Variants in CPQ observed in about 807,000 individuals in gnomAD.
CPQ encodes Ser-Met dipeptidase.
Under a neutral mutation model 45.7 loss-of-function variants are expected in CPQ, and 37 were observed. That is an observed-to-expected ratio of 0.81 (90% CI 0.62 to 1.07). The LOEUF (loss-of-function observed/expected upper bound fraction) is 1.07. Ranked by LOEUF, CPQ falls within the 50% of genes least tolerant of loss-of-function variation. CPQ has a pLI of 0.00. For missense variants in CPQ, 537 were observed against 572.9 expected, an observed-to-expected ratio of 0.94 and a Z score of 0.64; for synonymous variants, 186 against 205.8, an observed-to-expected ratio of 0.90 and a Z score of 0.82.
At chr8:96,869,616 A>G (rs1194286051) in intron 3 of CPQ, among the ~76,000 whole-genome samples, 1 of 152,070 alleles carries the variant, frequency 6.6e-6, no homozygotes, top group Non-Finnish European at 1.5e-5. Flanking sequence ...ATTGGCAAGG[A>G]CCTATCTTTG....
At chr8:96,810,783 G>GTCAGTCCT (rs1323370387) in intron 2 of CPQ, among the ~76,000 whole-genome samples, 1 of 152,148 alleles carries the variant, frequency 6.6e-6, no homozygotes, top group Non-Finnish European at 1.5e-5. Flanking sequence ...CTATAGTCTT[G>GTCAGTCCT]TCAGTCCTTT....
intron 2 of CPQ, among the ~76,000 whole-genome samples, chr8:96,792,550 T>C (rs1810862146): frequency 6.6e-6 from 1 of 152,200 alleles, no homozygotes; most frequent in Admixed American, 6.5e-5. Flanking sequence ...TGTTTTATTA[T>C]GTTTGTATGC....
chr8:96,843,830 A>G (rs781422194), intron 3 of CPQ, among the ~76,000 whole-genome samples: 28 of 152,228 alleles, frequency 1.8e-4, no homozygotes, highest in Non-Finnish European at 3.2e-4. Flanking sequence ...ATCTGAGAGG[A>G]GACTATATAG....
rs1033035978 is a variant in CPQ at position 96,729,871 on chromosome 8, G to C, written c.-34-54993G>C. Among the ~76,000 whole-genome samples the C allele has an allele frequency of 4.6e-5, 7 of 151,342 alleles. 1 individual carries two copies. Among genetic ancestry groups the C allele is most frequent in the African/African-American group, 1.7e-4 (7 of 41,194 alleles). ...TGTGTGTGTTTGTGTGTGTGTGTAT[G>C]GGCATGTGACATGGAGCTGTGGAAG... On this transcript the variant is annotated intron_variant, in intron 1 of 7. Coordinates refer to ENST00000220763, the MANE Select transcript of CPQ (RefSeq NM_016134.4).
intron 5 of CPQ, among the ~76,000 whole-genome samples, chr8:97,000,575 C>G (rs1809261379): frequency 6.6e-6 from 1 of 152,038 alleles, no homozygotes; most frequent in African/African-American, 2.4e-5. Context: ...TTTCTGGGCT[C>G]TCTATTCTGT....
intron 4 of CPQ, among the ~76,000 whole-genome samples, chr8:96,955,804 G>T (rs1183998471): frequency 1.3e-5 from 2 of 152,156 alleles, no homozygotes; most frequent in African/African-American, 2.4e-5. Flanking sequence ...ATGGTGCTGG[G>T]AAAACTGGCT....
At chr8:96,784,405 G>GC (rs988822109) in intron 1 of CPQ, among the ~76,000 whole-genome samples, 1 of 151,630 alleles carries the variant, frequency 6.6e-6, no homozygotes, top group African/African-American at 2.4e-5. Flanking sequence ...GAGGTGGGGG[G>GC]GGGGTTGGTA....
chr8:96,951,646 GAAT>G (rs1813267643), intron 4 of CPQ, among the ~76,000 whole-genome samples: 2 of 152,008 alleles, frequency 1.3e-5, no homozygotes, highest in South Asian at 4.1e-4. Context: ...TTTTTAAGTG[GAAT>G]AAGTTCATGC....
chr8:96,975,162 G>T (rs892216965), intron 5 of CPQ, among the ~76,000 whole-genome samples: 1 of 151,836 alleles, frequency 6.6e-6, no homozygotes, highest in Non-Finnish European at 1.5e-5. Context: ...TGAAATGGGA[G>T]ATATTACAAC....
intron 4 of CPQ, among the ~76,000 whole-genome samples, chr8:96,957,832 C>T: frequency 6.7e-6 from 1 of 150,086 alleles, no homozygotes; most frequent in South Asian, 2.1e-4. Flanking sequence ...TGTAGGGTAC[C>T]AAATGCTTTT....
At position 96,692,590 on chromosome 8, in the gene CPQ, C is replaced by T. The variant is rs145116664; in HGVS notation, c.-35+47188C>T. 1.8e-3 allele frequency among the ~76,000 whole-genome samples: 278 copies of T among 152,316 alleles called. 2 individuals are homozygous for T. The highest frequency in any genetic ancestry group is 6.3e-3 in the African/African-American group (260 of 41,582). ...TTATCCAAGACCATGAAGGCGATAA[C>T]TCTACAAGTCCACAGGAGCCACAGT... On this transcript the variant is annotated intron_variant, in intron 1 of 7. Coordinates refer to ENST00000220763, the MANE Select transcript of CPQ (RefSeq NM_016134.4).
intron 5 of CPQ, among the ~76,000 whole-genome samples, chr8:97,012,095 A>C (rs1187454170): frequency 6.6e-6 from 1 of 152,192 alleles, no homozygotes; most frequent in Non-Finnish European, 1.5e-5. Context: ...TGTAAGTTTC[A>C]TGAGTTCAAA....
At chr8:96,909,433 G>C (rs1812625764) in intron 4 of CPQ, among the ~76,000 whole-genome samples, 1 of 152,166 alleles carries the variant, frequency 6.6e-6, no homozygotes, top group Non-Finnish European at 1.5e-5. Flanking sequence ...TTCTGTTACA[G>C]GCATTGGTCA....
rs895823372 is a variant in CPQ, at chr8:96,956,016, C to T, written c.850-9919C>T. On this transcript the variant is annotated intron_variant, in intron 4 of 7. Coordinates refer to ENST00000220763, the MANE Select transcript of CPQ (RefSeq NM_016134.4). ...AAGCAATGGCAACAAAAGCCAAAATCGACAAATGGGATCTAATTAAACTAA... is the reference window on the plus strand; with the variant it reads ...AAGCAATGGCAACAAAAGCCAAAATTGACAAATGGGATCTAATTAAACTAA... Among the ~76,000 whole-genome samples the T allele has an allele frequency of 5.3e-5, 8 of 152,028 alleles. 1 individual carries two copies. In the South Asian group the frequency reaches 6.2e-4, roughly 12 times the overall value.
chr8:96,783,840 C>A (rs1810722361), intron 1 of CPQ, among the ~76,000 whole-genome samples: 1 of 152,070 alleles, frequency 6.6e-6, no homozygotes, highest in Non-Finnish European at 1.5e-5. Flanking sequence ...CCATATGAGA[C>A]AATTGATTAC....
intron 4 of CPQ, among the ~76,000 whole-genome samples, chr8:96,898,585 A>G (rs959454395): frequency 5.8e-5 from 8 of 136,828 alleles, no homozygotes; most frequent in African/African-American, 1.9e-4. Context: ...TAGAGATCAC[A>G]TGGACACAGG....
chr8:97,127,830 A>T (rs969817807), intron 7 of CPQ, among the ~76,000 whole-genome samples: 2 of 152,262 alleles, frequency 1.3e-5, no homozygotes, highest in African/African-American at 4.8e-5. Flanking sequence ...AAAAGAAGCC[A>T]GACACAAGAG....
intron 5 of CPQ, among the ~76,000 whole-genome samples, chr8:97,018,327 T>C (rs1319646291): frequency 6.6e-6 from 1 of 152,114 alleles, no homozygotes; most frequent in Non-Finnish European, 1.5e-5. Context: ...AAAACAGCGT[T>C]CTTTAACATC....
At chr8:96,708,462 T>C (rs1349561359) in intron 1 of CPQ, among the ~76,000 whole-genome samples, 1 of 151,150 alleles carries the variant, frequency 6.6e-6, no homozygotes, top group African/African-American at 2.4e-5. Flanking sequence ...TATATATACA[T>C]TGTTTGTTGG....
Sources: gnomAD v4.1 joint callset for allele counts (sites outside exome capture counted in the v4.1 genomes callset) on GRCh38, gnomAD v4.1.1 for gene constraint, MANE v1.5 for transcripts, NCBI Gene and HGNC (gene_info 2026-07-23, HGNC 2026-07-21) for gene names.